FLOT2: variants seen among roughly 807,000 people sequenced by gnomAD.
FLOT2 encodes flotillin-2.
Under a neutral mutation model 54.9 loss-of-function variants are expected in FLOT2, and 35 were observed. The ratio of observed to expected loss-of-function variants is 0.64; its 90% CI spans 0.49 to 0.84. The LOEUF (loss-of-function observed/expected upper bound fraction) is 0.84. Ranked by LOEUF, FLOT2 falls within the 40% of genes least tolerant of loss-of-function variation. The pLI, the probability that FLOT2 is intolerant of heterozygous loss-of-function variation, is 0.00. For synonymous variants in FLOT2, 207 were observed against 228.9 expected, an observed-to-expected ratio of 0.90 and a Z score of 0.86; for missense variants, 464 against 572.1, an observed-to-expected ratio of 0.81 and a Z score of 1.93.
chr17:28,888,855 G>T, intron 2 of FLOT2, 90 bp downstream of exon 2: 1 of 704,250 alleles, frequency 1.4e-6, no homozygotes, highest in Non-Finnish European at 2.3e-6. Flanking sequence ...AGATGCTCTA[G>T]CTGACCCTCA....
Position 28,882,046 on chromosome 17 carries a change from G to A in FLOT2, c.700-18C>T, listed in dbSNP as rs747266096. 2 of 1,614,084 alleles carry A rather than the reference G, an allele frequency of 1.2e-6. No individual in the cohort carries two copies. The highest frequency in any genetic ancestry group is 1.7e-5 in the Admixed American group (1 of 60,026). ...TCAGCTGTCTGTGGCAAGAGGGTGT[G>A]TGGCACATTAGAGGCTGGTCACCAA... On this transcript the variant is annotated intron_variant, in intron 7 of 10. Coordinates refer to ENST00000394908, the MANE Select transcript of FLOT2 (RefSeq NM_004475.3). This position sits in a 1 kb window ranked among gnomAD's most constrained non-coding sequence, Gnocchi z 5.6.
intron 2 of FLOT2, 142 bp downstream of exon 2, chr17:28,888,803 C>CCCCCCCCCCCCCCCCCCCCCCCCAGGG: frequency 2.0e-6 from 1 of 506,060 alleles, no homozygotes; most frequent in Non-Finnish European, 3.8e-6. Context: ...AAGTCCCCCC[C>CCCCCCCCCCCCCCCCCCCCCCCCAGGG]AACCCCACCC....
chr17:28,882,408 T>A lies in FLOT2; in HGVS notation c.508A>T (p.Thr170Ser). The A allele has an allele frequency of 6.2e-7, 1 of 1,614,130 alleles. No individual in the cohort carries two copies. The highest frequency in any genetic ancestry group is 8.5e-7 in the Non-Finnish European group (1 of 1,180,036). The change falls in exon 6 of 11, where the codon ACG (threonine) becomes TCG (serine). Residue 170 changes from threonine to serine, a missense_variant. Physicochemically the swap from Thr to Ser is moderately conservative, Grantham distance 58. Transcript: ENST00000394908. This position sits in a 1 kb window ranked among gnomAD's most constrained non-coding sequence, Gnocchi z 5.6. ...TCTCTCTGCACCACGGCAGTCTGCGTCTTGCCCAGGGAGCTCAGATAGTCC... is the reference window on the plus strand; with the variant it reads ...TCTCTCTGCACCACGGCAGTCTGCGACTTGCCCAGGGAGCTCAGATAGTCC... ...KVDYLSSLGK[T>S]QTAVVQRDAD...
At chr17:28,896,154 A>G (rs1033770527) in intron 1 of FLOT2, among the ~76,000 whole-genome samples, 2 of 152,192 alleles carry the variant, frequency 1.3e-5, no homozygotes, top group Non-Finnish European at 2.9e-5. Flanking sequence ...CTAACAGTGC[A>G]TTGACTTCTG....
chr17:28,883,168 C>T lies in FLOT2; in HGVS notation c.286G>A (p.Val96Met), dbSNP rs775653497. The T allele has an allele frequency of 6.2e-7, 1 of 1,614,088 alleles. No individual in the cohort carries two copies. The highest frequency in any genetic ancestry group is 1.1e-5 in the South Asian group (1 of 91,088). The change falls in exon 4 of 11, where the codon GTG (valine) becomes ATG (methionine). Residue 96 changes from valine (V) to methionine (M), a missense_variant. Transcript: ENST00000394908. This position sits in a 1 kb window ranked among gnomAD's most constrained non-coding sequence, Gnocchi z 5.0. ...AGGACGACGTTTTTGATGTCCTGCA[C>T]ATTCTTACCCAGAAACTGCTCACAA... The part of the protein sequence containing the change: ...VACEQFLGKN[V>M]QDIKNVVLQT...
intron 1 of FLOT2, among the ~76,000 whole-genome samples, chr17:28,895,138 C>A (rs2039721399): frequency 6.6e-6 from 1 of 151,786 alleles, no homozygotes; most frequent in Admixed American, 6.6e-5. Flanking sequence ...GTCTCAAACT[C>A]CTGGCCTCGA....
intron 1 of FLOT2, among the ~76,000 whole-genome samples, chr17:28,890,436 G>A (rs1017412632): frequency 2.6e-5 from 4 of 151,588 alleles, no homozygotes; most frequent in African/African-American, 9.7e-5. Context: ...GCCCAGGCTG[G>A]AGTGCAGTGG....
Position 28,881,336 on chromosome 17 carries a change from C to A in FLOT2, c.954G>T (p.Lys318Asn). The A allele has an allele frequency of 1.2e-6, 2 of 1,613,554 alleles. No homozygotes were observed. The highest frequency in any genetic ancestry group is 1.1e-5 in the South Asian group (1 of 91,086). The change falls in exon 9 of 11, where the codon AAG becomes AAT. Residue 318 changes from lysine to asparagine, a missense_variant. Lys to Asn is a moderately conservative substitution (Grantham distance 94, BLOSUM62 0). Transcript: ENST00000394908. ...QVLLAQAEAE[K>N]IRKIGEAEAA... ...CTTCCGCCTCCCCGATTTTGCGGAT[C>A]TTCTCAGCCTCTGCCTGTGCCAAGA...
At position 28,897,432 on chromosome 17, in the gene FLOT2, T is replaced by G. The variant is rs2039761883; in HGVS notation, c.49+94A>C. 1.6e-6 allele frequency: 2 copies of G among 1,244,168 alleles called. No homozygotes were observed. The highest frequency in any genetic ancestry group is 2.8e-5 in the South Asian group (2 of 72,276). The allele number at this position is 1,244,168 out of a possible 1,614,324, so 77.1% of individuals were successfully genotyped here. ...GGGGCCAGCGCCCTGCGCCGCGCGG[T>G]GGACTCAGGCCCAGCTCTTCCCCGT... On this transcript the variant is annotated intron_variant, in intron 1 of 10. Coordinates refer to ENST00000394908, the MANE Select transcript of FLOT2 (RefSeq NM_004475.3). This position sits in a 1 kb window ranked among gnomAD's most constrained non-coding sequence, Gnocchi z 4.4.
chr17:28,888,805 A>ACCCCCC, intron 2 of FLOT2, 140 bp downstream of exon 2: 6 of 393,054 alleles, frequency 1.5e-5, no homozygotes, highest in Non-Finnish European at 2.1e-5. Flanking sequence ...GTCCCCCCCA[A>ACCCCCC]CCCCACCCCT....
Position 28,879,469 on chromosome 17 carries a change from G to A in FLOT2, c.*1092C>T. 7.1e-6 allele frequency: 7 copies of A among 987,430 alleles called. No individual in the cohort carries two copies. Among genetic ancestry groups the A allele is most frequent in the Non-Finnish European group, 8.4e-6 (7 of 830,264 alleles). 61.2% of individuals were successfully genotyped at this position (987,430 alleles called of 1,614,324 possible). ...ACAGGCTGGGGCAGGGCCAGGGTGG[G>A]GAGCTGGGACCACTGGACATTCACA... On this transcript the variant is annotated 3_prime_UTR_variant, in exon 11 of 11. Coordinates refer to ENST00000394908, the MANE Select transcript of FLOT2 (RefSeq NM_004475.3).
In FLOT2 at chr17:28,883,139, C is replaced by G; in HGVS notation, c.315G>C (p.Gln105His). ...NVQDIKNVVL[Q>H]TLEGHLRSIL... ...TGGAGCGCAGATGTCCCTCCAGGGTCTGCAGGACGACGTTTTTGATGTCCT... is the reference window on the plus strand; with the variant it reads ...TGGAGCGCAGATGTCCCTCCAGGGTGTGCAGGACGACGTTTTTGATGTCCT... The change falls in exon 4 of 11, where the codon CAG (glutamine) becomes CAC (histidine). Residue 105 changes from glutamine to histidine, a missense_variant. Coordinates refer to ENST00000394908, the MANE Select transcript of FLOT2 (RefSeq NM_004475.3). The surrounding 1 kb of genome is among the most constrained non-coding windows in gnomAD (Gnocchi z 5.0). 6.2e-7 allele frequency: 1 copy of G among 1,614,164 alleles called. No homozygotes were observed. Among genetic ancestry groups the G allele is most frequent in the South Asian group, 1.1e-5 (1 of 91,088 alleles).
chr17:28,888,856 C>G, intron 2 of FLOT2, 89 bp downstream of exon 2: 2 of 728,164 alleles, frequency 2.7e-6, no homozygotes, highest in Non-Finnish European at 4.4e-6. Flanking sequence ...GATGCTCTAG[C>G]TGACCCTCAG....
Position 28,882,063 on chromosome 17 carries a change from G to A in FLOT2, c.700-35C>T. ...GAGGGTGTGTGGCACATTAGAGGCTGGTCACCAAGTCCTGATCCCTGAGCC... is the reference window on the plus strand; with the variant it reads ...GAGGGTGTGTGGCACATTAGAGGCTAGTCACCAAGTCCTGATCCCTGAGCC... On this transcript the variant is annotated intron_variant, in intron 7 of 10. Transcript: ENST00000394908. This position sits in a 1 kb window ranked among gnomAD's most constrained non-coding sequence, Gnocchi z 5.6. 2 of 1,613,982 alleles carry A rather than the reference G, an allele frequency of 1.2e-6. No homozygotes were observed. The highest frequency in any genetic ancestry group is 1.7e-6 in the Non-Finnish European group (2 of 1,179,880).
Position 28,883,135 on chromosome 17 carries a change from G to A in FLOT2, c.319C>T (p.Leu107=), listed in dbSNP as rs752322007. The part of the protein sequence containing the change: ...QDIKNVVLQT[L]EGHLRSILGT... ...AGGATGGAGCGCAGATGTCCCTCCA[G>A]GGTCTGCAGGACGACGTTTTTGATG... The change falls in exon 4 of 11, where the codon CTG becomes TTG. Residue 107 remains leucine, a synonymous_variant. Coordinates refer to ENST00000394908, the MANE Select transcript of FLOT2 (RefSeq NM_004475.3). The surrounding 1 kb of genome is among the most constrained non-coding windows in gnomAD (Gnocchi z 5.0). 6.2e-7 allele frequency: 1 copy of A among 1,614,142 alleles called. No homozygotes were observed. The highest frequency in any genetic ancestry group is 8.5e-7 in the Non-Finnish European group (1 of 1,180,020).
Position 28,882,920 on chromosome 17 carries a change from C to A in FLOT2, c.346+188G>T, listed in dbSNP as rs548789260. 624 of 659,980 alleles carry A rather than the reference C, an allele frequency of 9.5e-4. 4 individuals carry two copies. In the African/African-American group the frequency reaches 0.011, roughly 11 times the overall value. The allele number at this position is 659,980 out of a possible 1,614,324, so 40.9% of individuals were successfully genotyped here. A position where few individuals can be genotyped will look rare whatever the true frequency, so the allele number is the denominator to read the frequency against. The stretch of plus-strand genomic sequence containing the variant: ...TAGGTTCCTGAGCAGACCGACAGCC[C>A]CCATCCCACCCCTTCACTCATACCC... On this transcript the variant is annotated intron_variant, in intron 4 of 10. Coordinates refer to ENST00000394908, the MANE Select transcript of FLOT2 (RefSeq NM_004475.3). The surrounding 1 kb of genome is among the most constrained non-coding windows in gnomAD (Gnocchi z 5.6).
chr17:28,891,683 T>C (rs562465717), intron 1 of FLOT2, among the ~76,000 whole-genome samples: 13 of 152,224 alleles, frequency 8.5e-5, no homozygotes, highest in Non-Finnish European at 1.5e-4. Context: ...AATTTTTTAA[T>C]TAATTTAAAT....
chr17:28,881,310 G>T lies in FLOT2; in HGVS notation c.980C>A (p.Ala327Glu). 1.2e-6 allele frequency: 2 copies of T among 1,613,878 alleles called. No individual in the cohort carries two copies. Among genetic ancestry groups the T allele is most frequent in the Non-Finnish European group, 1.7e-6 (2 of 1,179,964 alleles). ...CTTGCCCATCGCCTCGATGACTGCC[G>T]CTTCCGCCTCCCCGATTTTGCGGAT... Reference protein sequence around the residue: ...EKIRKIGEAEAAVIEAMGKAE... With the variant: ...EKIRKIGEAEEAVIEAMGKAE... The change falls in exon 9 of 11, where the codon GCG (alanine) becomes GAG (glutamate). Residue 327 changes from alanine (A) to glutamate (E), a missense_variant. By Grantham distance (107) the Ala-to-Glu change is moderately radical. Coordinates refer to ENST00000394908, the MANE Select transcript of FLOT2 (RefSeq NM_004475.3).
chr17:28,881,323 C>T lies in FLOT2; in HGVS notation c.967G>A (p.Gly323Arg), dbSNP rs1477537660. 3 of 1,613,892 alleles carry T rather than the reference C, an allele frequency of 1.9e-6. No individual in the cohort carries two copies. The highest frequency in any genetic ancestry group is 8.5e-7 in the Non-Finnish European group (1 of 1,180,014). Residue 323 changes from glycine to arginine, a missense_variant, in exon 9 of 11, where the codon GGG becomes AGG. By Grantham distance (125) the Gly-to-Arg change is moderately radical (BLOSUM62 -2). Transcript: ENST00000394908. The part of the protein sequence containing the change: ...QAEAEKIRKI[G>R]EAEAAVIEAM... ...TCGATGACTGCCGCTTCCGCCTCCC[C>T]GATTTTGCGGATCTTCTCAGCCTCT...
Sources: allele counts gnomAD v4.1 joint callset (sites outside exome capture counted in the v4.1 genomes callset), GRCh38; gene constraint gnomAD v4.1.1; non-coding constraint Gnocchi (gnomAD v3.1); transcripts MANE v1.5; gene names NCBI Gene and HGNC (gene_info 2026-07-23, HGNC 2026-07-21).